Variants in ADGRV1 observed in about 807,000 individuals in gnomAD.
The protein encoded by ADGRV1 is G-protein coupled receptor 98.
A neutral mutation model predicts 596.2 loss-of-function variants in ADGRV1; 359 were observed. That is an observed-to-expected ratio of 0.60 (90% CI 0.55 to 0.66). ADGRV1 has a LOEUF of 0.66. Among genes scored for constraint, ADGRV1 ranks in the 30% least tolerant of loss-of-function variants. The probability of loss-of-function intolerance (pLI) is 0.00; values close to 1 mark genes in which losing one functional copy is unlikely to be tolerated. For missense variants in ADGRV1, 7,274 were observed against 7,575.6 expected (o/e 0.96, Z 1.48); for synonymous variants, 2,681 against 2,679.2 (o/e 1.00, Z -0.02).
At chr5:91,066,397 C>T (rs1040105910) in intron 85 of ADGRV1, among the ~76,000 whole-genome samples, 4 of 152,020 alleles carry the variant, frequency 2.6e-5, no homozygotes, top group African/African-American at 7.2e-5. Flanking sequence ...TTCTGGTTGG[C>T]GAGGCTACTT....
At chr5:90,728,526 A>G (rs1166364163) in intron 48 of ADGRV1, 143 bp from the exon 49 acceptor site, 1 of 713,456 alleles carries the variant, frequency 1.4e-6, no homozygotes, top group Non-Finnish European at 2.4e-6. Context: ...AGGGAGCATC[A>G]GTTTTAGTAT....
rs142905845 is a variant in ADGRV1 at position 90,855,815 on chromosome 5, T to G, written c.17669T>G (p.Met5890Arg). 5 of 1,607,266 alleles carry G rather than the reference T, an allele frequency of 3.1e-6. No individual in the cohort carries two copies. The highest frequency in any genetic ancestry group is 3.4e-6 in the Non-Finnish European group (4 of 1,174,178). Residue 5890 changes from methionine to arginine, a missense_variant, in exon 82 of 90, where the codon ATG (methionine) becomes AGG (arginine). By Grantham distance (91) the Met-to-Arg change is moderately conservative. Around this residue, in one of 5 missense-constraint regions of ADGRV1, gnomAD observed 1,874 missense variants for 1,970.2 expected, o/e 0.95. Transcript: ENST00000405460. ...ADYVECACSHMSVYAVYARTD... is the reference protein window; with the variant it reads ...ADYVECACSHRSVYAVYARTD... ...TATGTGGAATGTGCCTGTTCACACA[T>G]GTCTGTGTATGCTGTCTATGCTCGG... is the stretch of plus-strand genomic sequence containing the variant.
At chr5:90,972,395 A>G (rs1412393711) in intron 84 of ADGRV1, among the ~76,000 whole-genome samples, 2 of 152,238 alleles carry the variant, frequency 1.3e-5, no homozygotes, top group East Asian at 1.9e-4. Context: ...TCAACAGATT[A>G]TACATTCTTC....
chr5:90,783,028 G>C, intron 65 of ADGRV1, 96 bp from the exon 66 acceptor site: 1 of 914,192 alleles, frequency 1.1e-6, no homozygotes, highest in Non-Finnish European at 1.8e-6. Flanking sequence ...TGCTTACTTT[G>C]TGCCATTATG....
At chr5:91,160,865 A>G (rs920918174) in intron 89 of ADGRV1, among the ~76,000 whole-genome samples, 15 of 152,202 alleles carry the variant, frequency 9.9e-5, no homozygotes, top group Non-Finnish European at 2.2e-4. Context: ...AAGAAATTGC[A>G]AAGGAGGATG....
At chr5:91,000,894 G>A (rs542840717) in intron 85 of ADGRV1, among the ~76,000 whole-genome samples, 1 of 152,076 alleles carries the variant, frequency 6.6e-6, no homozygotes, top group Non-Finnish European at 1.5e-5. Context: ...GTTACTCGGG[G>A]AAGGATCAGC....
At chr5:90,761,869 T>G (rs73772488) in intron 58 of ADGRV1, among the ~76,000 whole-genome samples, 1 of 152,210 alleles carries the variant, frequency 6.6e-6, no homozygotes, top group Non-Finnish European at 1.5e-5. Flanking sequence ...ACTTTTTTCC[T>G]TGCTTATATC....
At chr5:91,055,151 A>T (rs1343765948) in intron 85 of ADGRV1, among the ~76,000 whole-genome samples, 1 of 152,170 alleles carries the variant, frequency 6.6e-6, no homozygotes, top group Non-Finnish European at 1.5e-5. Flanking sequence ...TAAGTGCTCT[A>T]AAGGAAATGT....
intron 87 of ADGRV1, among the ~76,000 whole-genome samples, chr5:91,114,682 T>C (rs956812880): frequency 1.3e-5 from 2 of 152,200 alleles, no homozygotes; most frequent in African/African-American, 4.8e-5. Flanking sequence ...TATTGTGTTT[T>C]GTAGAAACCT....
chr5:90,978,472 C>T (rs956949724), intron 84 of ADGRV1, among the ~76,000 whole-genome samples: 4 of 151,484 alleles, frequency 2.6e-5, no homozygotes, highest in East Asian at 3.9e-4. Flanking sequence ...GGTTAATGGG[C>T]GCAAAAATAT....
chr5:91,011,201 T>C (rs1782693313), intron 85 of ADGRV1, among the ~76,000 whole-genome samples: 1 of 151,990 alleles, frequency 6.6e-6, no homozygotes, highest in Admixed American at 6.6e-5. Context: ...AAGTAGCACC[T>C]TAAAGTTAGT....
chr5:90,972,757 T>C (rs564267991), intron 84 of ADGRV1, among the ~76,000 whole-genome samples: 1 of 151,824 alleles, frequency 6.6e-6, no homozygotes, highest in East Asian at 1.9e-4. Flanking sequence ...GCAGGAACGA[T>C]CTAAAATTGA....
In ADGRV1 at chr5:90,756,500, A is replaced by T. The variant is rs1293536102; in HGVS notation, c.11627A>T (p.Glu3876Val). 5.6e-6 allele frequency: 9 copies of T among 1,604,164 alleles called. No homozygotes were observed. Among genetic ancestry groups the T allele is most frequent in the Non-Finnish European group, 7.7e-6 (9 of 1,174,886 alleles). Residue 3876 changes from glutamate (E) to valine (V), a missense_variant, in exon 56 of 90, where the codon GAG becomes GTG. Glu to Val is a moderately radical substitution (Grantham distance 121). Around this residue, in one of 5 missense-constraint regions of ADGRV1, gnomAD observed 3,643 missense variants for 3,809.2 expected, o/e 0.96. Coordinates refer to ENST00000405460, the MANE Select transcript of ADGRV1 (RefSeq NM_032119.4). Reference sequence around the variant, plus strand: ...GAAGGATTTATTGTCACTATCACTGAGGTGAACCTGGTGAACTCTGACTTC... The same window carrying T: ...GAAGGATTTATTGTCACTATCACTGTGGTGAACCTGGTGAACTCTGACTTC... ...LEEGFIVTIT[E>V]VNLVNSDFST...
intron 83 of ADGRV1, among the ~76,000 whole-genome samples, chr5:90,881,376 C>T (rs1429504773): frequency 6.6e-6 from 1 of 152,176 alleles, no homozygotes; most frequent in Non-Finnish European, 1.5e-5. Context: ...GTTAGCTTGA[C>T]ATTGTGTGGT....
At chr5:90,948,571 T>C (rs1448317939) in intron 83 of ADGRV1, among the ~76,000 whole-genome samples, 3 of 152,062 alleles carry the variant, frequency 2.0e-5, no homozygotes, top group African/African-American at 7.2e-5. Flanking sequence ...AAATGTCCCA[T>C]AGAAAACAAG....
chr5:91,143,503 C>T (rs1167193258), intron 87 of ADGRV1, among the ~76,000 whole-genome samples: 2 of 152,178 alleles, frequency 1.3e-5, no homozygotes, highest in Middle Eastern at 3.2e-3. Flanking sequence ...CCTACGTCTG[C>T]TCAGCTCTCA....
intron 50 of ADGRV1, among the ~76,000 whole-genome samples, chr5:90,737,424 T>G (rs1341509119): frequency 1.3e-5 from 2 of 151,964 alleles, no homozygotes; most frequent in Non-Finnish European, 2.9e-5. Flanking sequence ...ATAGAAGATT[T>G]TGTATATGTC....
chr5:90,952,783 C>A (rs1337061426), intron 83 of ADGRV1, among the ~76,000 whole-genome samples: 1 of 152,078 alleles, frequency 6.6e-6, no homozygotes, highest in Non-Finnish European at 1.5e-5. Flanking sequence ...TGACTTGTCT[C>A]TCTTGATTTG....
chr5:90,618,797 C>G (rs10462487), intron 3 of ADGRV1, among the ~76,000 whole-genome samples: 2 of 151,450 alleles, frequency 1.3e-5, no homozygotes, highest in Non-Finnish European at 1.5e-5. Flanking sequence ...GTAATTATAA[C>G]TAATTTATAA....
Sources: allele counts gnomAD v4.1 joint callset (sites outside exome capture counted in the v4.1 genomes callset), GRCh38; gene constraint gnomAD v4.1.1; regional missense constraint gnomAD v4.1.1; transcripts MANE v1.5; gene names NCBI Gene and HGNC (gene_info 2026-07-23, HGNC 2026-07-21).